OCM: variants seen among roughly 807,000 people sequenced by gnomAD.
OCM encodes the protein oncomodulin, also known as oncomodulin-1.
OCM carries 18 observed loss-of-function variants against 14.1 expected under a neutral mutation model. The ratio of observed to expected loss-of-function variants is 1.28; its 90% CI spans 0.88 to 1.89. OCM has a LOEUF of 1.89. OCM is among the 40% of genes most tolerant of loss of function. The probability of loss-of-function intolerance (pLI) is 0.00; values close to 1 mark genes in which losing one functional copy is unlikely to be tolerated. For missense variants in OCM, 140 were observed against 137.6 expected, an observed-to-expected ratio of 1.02 and a Z score of -0.09; for synonymous variants, 48 against 51.0, an observed-to-expected ratio of 0.94 and a Z score of 0.25.
chr7:5,869,906 C>A, the OCM span, among the ~76,000 whole-genome samples: 3 of 152,142 alleles, frequency 2.0e-5, no homozygotes, highest in African/African-American at 7.2e-5. Context: ...AGCACAGAGG[C>A]CCACGCGCCA....
upstream of OCM, among the ~76,000 whole-genome samples, chr7:5,875,985 G>A (rs112831931): frequency 1.5e-3 from 234 of 151,830 alleles, 2 homozygotes; most frequent in African/African-American, 5.3e-3. Context: ...ACAGGCATGC[G>A]CCACCATGCC....
chr7:5,883,954 A>C lies in OCM; in HGVS notation c.259A>C (p.Met87Leu). The C allele has an allele frequency of 6.2e-7, 1 of 1,613,616 alleles. No individual in the cohort carries two copies. Among genetic ancestry groups the C allele is most frequent in the South Asian group, 1.1e-5 (1 of 90,998 alleles). ...ELTESETKSL[M>L]AAADNDGDGK... ...GACCGAGTCAGAAACCAAGTCCTTG[A>C]TGGCTGCGGCGGATAATGATGGAGA... Residue 87 changes from methionine to leucine, a missense_variant, in exon 3 of 4, where the codon ATG becomes CTG. Transcript: ENST00000242104.
At chr7:5,860,731 T>TATTA in the OCM span, among the ~76,000 whole-genome samples, 326 of 135,084 alleles carry the variant, frequency 2.4e-3, no homozygotes, top group Middle Eastern at 4.1e-3. Context: ...CGTGTATATA[T>TATTA]TCACGTATAT....
upstream of OCM, among the ~76,000 whole-genome samples, chr7:5,878,031 C>T (rs762662474): frequency 8.7e-5 from 13 of 149,152 alleles, no homozygotes; most frequent in Non-Finnish European, 1.6e-4. Flanking sequence ...AGTGCAGTGA[C>T]GTGATCTCGG....
At chr7:5,861,500 T>G in the OCM span, among the ~76,000 whole-genome samples, 4 of 152,056 alleles carry the variant, frequency 2.6e-5, no homozygotes, top group Admixed American at 6.6e-5. Flanking sequence ...ACACTTCCAC[T>G]GTGTTTTCCA....
chr7:5,885,905 G>A (rs760763945), intron 3 of OCM, among the ~76,000 whole-genome samples, 159 bp from the exon 4 acceptor site: 20 of 152,208 alleles, frequency 1.3e-4, no homozygotes, highest in South Asian at 2.1e-4. Context: ...CACTGTGCCC[G>A]GCCAGTTTTT....
the OCM span, among the ~76,000 whole-genome samples, chr7:5,872,983 G>T: frequency 6.6e-6 from 1 of 152,030 alleles, no homozygotes; most frequent in African/African-American, 2.4e-5. Flanking sequence ...AGGGAGGATG[G>T]CTTGAGCCCA....
chr7:5,878,905 G>A (rs1036318126), upstream of OCM, among the ~76,000 whole-genome samples: 4 of 144,430 alleles, frequency 2.8e-5, no homozygotes, highest in African/African-American at 1.0e-4. Context: ...AAAAAGCCAG[G>A]CGCAGTGGTT....
chr7:5,866,242 A>T, the OCM span, among the ~76,000 whole-genome samples: 1,311 of 151,022 alleles, frequency 8.7e-3, 12 homozygotes, highest in Non-Finnish European at 0.012. Flanking sequence ...AGAAGGAGCC[A>T]TTGAGCCCAG....
Position 5,881,335 on chromosome 7 carries a change from A to T in OCM, c.61+385A>T, listed in dbSNP as rs1210183236. Among the ~76,000 whole-genome samples, 743 of 151,034 alleles carry T rather than the reference A, an allele frequency of 4.9e-3. 8 individuals carry two copies. Among genetic ancestry groups the T allele is most frequent in the African/African-American group, 0.017 (715 of 41,174 alleles). ...TCTGTCTACAAAAAAAAAAAAAAAA[A>T]GTAGACCAGGCATGGTGGCTCACAT... On this transcript the variant is annotated intron_variant, in intron 1 of 3. Coordinates refer to ENST00000242104, the MANE Select transcript of OCM (RefSeq NM_001097622.2).
intron 3 of OCM, among the ~76,000 whole-genome samples, chr7:5,884,312 G>T (rs1781289287): frequency 6.6e-6 from 1 of 152,142 alleles, no homozygotes; most frequent in Non-Finnish European, 1.5e-5. Context: ...CAACCATAAT[G>T]CACCTGCATA....
the OCM span, among the ~76,000 whole-genome samples, chr7:5,859,789 C>T: frequency 2.0e-5 from 3 of 152,046 alleles, no homozygotes; most frequent in Non-Finnish European, 2.9e-5. Flanking sequence ...CCTCCGCCTC[C>T]CGGGTTCAAG....
intron 3 of OCM, among the ~76,000 whole-genome samples, chr7:5,885,636 A>G (rs1185343890): frequency 5.9e-5 from 7 of 117,816 alleles, no homozygotes; most frequent in Non-Finnish European, 5.0e-5. Context: ...TTTGAGTTGG[A>G]GTCTGGCTCT....
At chr7:5,878,464 T>C (rs1781140729), upstream of OCM, among the ~76,000 whole-genome samples, 1 of 148,606 alleles carries the variant, frequency 6.7e-6, no homozygotes, top group African/African-American at 2.5e-5. Flanking sequence ...TGGTTAAGAT[T>C]GGCCGGGCGC....
At chr7:5,865,943 A>G in the OCM span, among the ~76,000 whole-genome samples, 2 of 152,102 alleles carry the variant, frequency 1.3e-5, no homozygotes, top group Non-Finnish European at 2.9e-5. Context: ...CTTCATTTGG[A>G]TAAAGATTTT....
At chr7:5,882,240 A>G (rs1781233940) in intron 1 of OCM, among the ~76,000 whole-genome samples, 1 of 151,680 alleles carries the variant, frequency 6.6e-6, no homozygotes, top group Admixed American at 6.6e-5. Flanking sequence ...AGGGGGAGGC[A>G]CAGAAGAGAT....
chr7:5,860,726 A>G, the OCM span, among the ~76,000 whole-genome samples: 2 of 141,772 alleles, frequency 1.4e-5, no homozygotes, highest in Non-Finnish European at 3.1e-5. Context: ...ATATACGTGT[A>G]TATATTCACG....
chr7:5,867,231 C>G, the OCM span, among the ~76,000 whole-genome samples: 4 of 152,180 alleles, frequency 2.6e-5, no homozygotes, highest in South Asian at 8.3e-4. Flanking sequence ...TGGCGTGCAC[C>G]TGTAATCCCA....
the OCM span, among the ~76,000 whole-genome samples, chr7:5,874,354 TATATACATATACATG>T: frequency 2.6e-5 from 4 of 151,258 alleles, no homozygotes; most frequent in South Asian, 2.1e-4. Context: ...AAATGGTTAA[TATATACATATACATG>T]ATATACATAT....
Sources: gnomAD v4.1 joint callset for allele counts (sites outside exome capture counted in the v4.1 genomes callset) on GRCh38, gnomAD v4.1.1 for gene constraint, MANE v1.5 for transcripts, NCBI Gene and HGNC (gene_info 2026-07-23, HGNC 2026-07-21) for gene names.